GAN: variants seen among roughly 807,000 people sequenced by gnomAD.
GAN encodes the protein epididymis secretory sperm binding protein.
A neutral mutation model predicts 71.3 loss-of-function variants in GAN; 48 were observed. The ratio of observed to expected loss-of-function variants is 0.67; its 90% CI spans 0.53 to 0.86. The LOEUF is 0.86. GAN is among the 40% of genes least tolerant of loss of function. The pLI, the probability that GAN is intolerant of heterozygous loss-of-function variation, is 0.00. For missense variants in GAN, 928 were observed against 770.1 expected (o/e 1.21, Z -2.43); for synonymous variants, 386 against 276.8 (o/e 1.39, Z -3.92).
chr16:81,363,111 A>G (rs1358266194), intron 6 of GAN, among the ~76,000 whole-genome samples: 1 of 152,250 alleles, frequency 6.6e-6, no homozygotes, highest in Non-Finnish European at 1.5e-5. Flanking sequence ...AACGGACATG[A>G]AACACCTAGG....
At position 81,315,272 on chromosome 16, in the gene GAN, G is replaced by C. The variant is rs753351243; in HGVS notation, c.159G>C (p.Pro53=). ...AGAACATCCTGGCGGCGGCCAGCCC[G>C]TACATCAGGTGGGGAGGGGGCTACG... The part of the protein sequence containing the change: ...VQKNILAAAS[P]YIRTKLNYNP... The change falls in exon 1 of 11, where the codon CCG becomes CCC. Residue 53 remains proline (P), a synonymous_variant. Transcript: ENST00000648994. 1.3e-6 allele frequency: 2 copies of C among 1,557,422 alleles called. No homozygotes were observed. Among genetic ancestry groups the C allele is most frequent in the Middle Eastern group, 1.7e-4 (1 of 5,762 alleles).
At chr16:81,368,750 A>G (rs774975991) in intron 9 of GAN, among the ~76,000 whole-genome samples, 2 of 152,264 alleles carry the variant, frequency 1.3e-5, no homozygotes, top group Middle Eastern at 3.4e-3. Flanking sequence ...TTATTCCTGC[A>G]TCTGTGTAGT....
At chr16:81,328,129 T>A (rs1909448309) in intron 1 of GAN, among the ~76,000 whole-genome samples, 1 of 152,262 alleles carries the variant, frequency 6.6e-6, no homozygotes, top group African/African-American at 2.4e-5. Flanking sequence ...ACTGCTTTAC[T>A]TTCAAAATGA....
chr16:81,348,079 C>T (rs1353581827), intron 1 of GAN, among the ~76,000 whole-genome samples: 1 of 152,096 alleles, frequency 6.6e-6, no homozygotes, highest in Non-Finnish European at 1.5e-5. Flanking sequence ...TCTTGAACAC[C>T]TGGGCTCAAG....
intron 1 of GAN, among the ~76,000 whole-genome samples, chr16:81,348,299 T>G (rs11866408): frequency 0.021 from 3,197 of 152,358 alleles, 58 homozygotes; most frequent in East Asian, 0.081. Context: ...TCTTGTTTTA[T>G]GTACACAATA....
intron 1 of GAN, among the ~76,000 whole-genome samples, chr16:81,332,022 A>G (rs1399970528): frequency 1.3e-5 from 2 of 152,034 alleles, no homozygotes; most frequent in Admixed American, 6.6e-5. Context: ...TTAGCCGGGC[A>G]TGGTGGCGCA....
rs1904286684 is a variant in GAN, at chr16:81,377,683, T to A, written c.*87T>A. ...GGAGAGCAGAGATGGCAGCTGAAAC[T>A]CACTCTGTGCTGGGCTTTGGTATGG... On this transcript the variant is annotated 3_prime_UTR_variant, in exon 11 of 11. Transcript: ENST00000648994. 8.5e-7 allele frequency: 1 copy of A among 1,174,212 alleles called. No individual in the cohort carries two copies. Among genetic ancestry groups the A allele is most frequent in the East Asian group, 2.3e-5 (1 of 42,908 alleles). 72.7% of individuals were successfully genotyped at this position (1,174,212 alleles called of 1,614,324 possible). A position where few individuals can be genotyped will look rare whatever the true frequency, so the allele number is the denominator to read the frequency against.
At chr16:81,351,087 G>T (rs955557718) in intron 1 of GAN, among the ~76,000 whole-genome samples, 1 of 152,154 alleles carries the variant, frequency 6.6e-6, no homozygotes, top group African/African-American at 2.4e-5. Flanking sequence ...CAGTAATAAA[G>T]CAAGGAAAAA....
chr16:81,364,867 A>C (rs1431276373), intron 7 of GAN, 107 bp from the exon 8 acceptor site: 2 of 1,117,414 alleles, frequency 1.8e-6, no homozygotes, highest in East Asian at 4.7e-5. Flanking sequence ...TTAGAAATCA[A>C]ACCCCTTCCT....
intron 9 of GAN, among the ~76,000 whole-genome samples, chr16:81,372,580 C>T (rs1197005341): frequency 6.6e-6 from 1 of 152,160 alleles, no homozygotes; most frequent in African/African-American, 2.4e-5. Context: ...TAAAATAGAT[C>T]ACCTACGCGT....
rs1421376696 is a variant in GAN at position 81,382,851 on chromosome 16, CAT to C, written c.*5258_*5259del. ...ACCCTATTATTATTTCCATTTTAAACATATTTCAATATTGTCTCATTGTAATA... is the reference window on the plus strand; with the variant it reads ...ACCCTATTATTATTTCCATTTTAAACATTTCAATATTGTCTCATTGTAATA... On this transcript the variant is annotated 3_prime_UTR_variant, in exon 11 of 11. Coordinates refer to ENST00000648994, the MANE Select transcript of GAN (RefSeq NM_022041.4). 3 of 152,272 alleles carry C rather than the reference CAT, an allele frequency of 2.0e-5. No homozygotes were observed. Among genetic ancestry groups the C allele is most frequent in the Non-Finnish European group, 2.9e-5 (2 of 68,022 alleles). 9.4% of individuals were successfully genotyped at this position (152,272 alleles called of 1,614,324 possible).
At chr16:81,362,017 T>C (rs879278806) in intron 5 of GAN, among the ~76,000 whole-genome samples, 5 of 152,248 alleles carry the variant, frequency 3.3e-5, no homozygotes, top group Non-Finnish European at 5.9e-5. Flanking sequence ...AATTGTTTTT[T>C]GCAGAAGAAT....
intron 6 of GAN, among the ~76,000 whole-genome samples, chr16:81,363,356 G>C (rs2608554): frequency 0.22 from 33,039 of 152,180 alleles, 3,885 homozygotes; most frequent in Non-Finnish European, 0.28. Flanking sequence ...TTGAGAAGTG[G>C]CTTTGGCCTC....
At chr16:81,338,363 A>G (rs1381393104) in intron 1 of GAN, among the ~76,000 whole-genome samples, 3 of 152,200 alleles carry the variant, frequency 2.0e-5, no homozygotes, top group Non-Finnish European at 4.4e-5. Flanking sequence ...AACATAGAAA[A>G]GGCCTATTGA....
Position 81,354,704 on chromosome 16 carries a change from T to C in GAN, c.582T>C (p.Tyr194=), listed in dbSNP as rs142332207. ...LEKLNVGNER[Y]VFEAVIRWIA... is the part of the protein sequence containing the mutation. The stretch of plus-strand genomic sequence containing the variant: ...AGTTAAACGTTGGCAATGAAAGATA[T>C]GTCTTTGAAGCAGTAATTCGATGGA... Residue 194 remains tyrosine (Y), a synonymous_variant, in exon 3 of 11, where the codon TAT becomes TAC. Coordinates refer to ENST00000648994, the MANE Select transcript of GAN (RefSeq NM_022041.4). The C allele has an allele frequency of 5.0e-6, 8 of 1,612,754 alleles. No homozygotes were observed. The highest frequency in any genetic ancestry group is 2.2e-5 in the East Asian group (1 of 44,894).
intron 1 of GAN, among the ~76,000 whole-genome samples, chr16:81,341,205 G>A (rs1333505189): frequency 6.6e-6 from 1 of 152,182 alleles, no homozygotes; most frequent in Non-Finnish European, 1.5e-5. Context: ...ATGGAACCAA[G>A]TTGGAAAACA....
At chr16:81,328,219 T>A (rs1909451647) in intron 1 of GAN, among the ~76,000 whole-genome samples, 1 of 152,254 alleles carries the variant, frequency 6.6e-6, no homozygotes, top group Non-Finnish European at 1.5e-5. Flanking sequence ...TATGTTGCCC[T>A]CAATTTCTGG....
chr16:81,385,482 C>T lies in GAN; in HGVS notation c.*7886C>T, dbSNP rs947233036. 1.3e-5 allele frequency: 2 copies of T among 152,132 alleles called. No individual in the cohort carries two copies. The highest frequency in any genetic ancestry group is 1.9e-4 in the East Asian group (1 of 5,198). 9.4% of individuals were successfully genotyped at this position (152,132 alleles called of 1,614,324 possible). On this transcript the variant is annotated 3_prime_UTR_variant, in exon 11 of 11. Transcript: ENST00000648994. Reference sequence around the variant, plus strand: ...GAAGCTCTTAAGGCTCCCAAGGCTCCGTTTCTTATGTGGAAGAAGAATAGC... The same window carrying T: ...GAAGCTCTTAAGGCTCCCAAGGCTCTGTTTCTTATGTGGAAGAAGAATAGC...
chr16:81,330,951 A>T (rs1421483245), intron 1 of GAN, among the ~76,000 whole-genome samples: 1 of 152,210 alleles, frequency 6.6e-6, no homozygotes, highest in Non-Finnish European at 1.5e-5. Context: ...TCACGCCTGT[A>T]ATCCTGGCAG....
Sources: allele counts gnomAD v4.1 joint callset (sites outside exome capture counted in the v4.1 genomes callset), GRCh38; gene constraint gnomAD v4.1.1; transcripts MANE v1.5; gene names NCBI Gene and HGNC (gene_info 2026-07-23, HGNC 2026-07-21).